The following MBD1 variants were observed in gnomAD, a reference collection of about 807,000 sequenced individuals.
MBD1 encodes the protein methyl-CpG binding domain protein 1, also known as methyl-CpG-binding domain protein 1.
Under a neutral mutation model 82.6 loss-of-function variants are expected in MBD1, and 25 were observed. That is an observed-to-expected ratio of 0.30 (90% confidence interval 0.22 to 0.42). MBD1 has a LOEUF of 0.42. Among genes scored for constraint, MBD1 ranks in the 10% least tolerant of loss-of-function variants. MBD1 has a pLI of 1.00. For missense variants in MBD1, 627 were observed against 819.6 expected, an observed-to-expected ratio of 0.76 and a Z score of 2.87; for synonymous variants, 301 against 303.7, an observed-to-expected ratio of 0.99 and a Z score of 0.09.
In MBD1 at chr18:50,275,713, C is replaced by T. The variant is rs776857176; in HGVS notation, c.679G>A (p.Val227Ile). Residue 227 changes from valine to isoleucine, a missense_variant, in exon 8 of 17, where the codon GTA (valine) becomes ATA (isoleucine). This residue lies in a region of MBD1 where 228 missense variants were observed against 318.1 expected (regional missense o/e 0.72). Coordinates refer to ENST00000269468, the MANE Select transcript of MBD1 (RefSeq NM_015846.4). ...TCTTGGGTCTGACAGCCCCGGCATA[C>T]TCCACACCCTCGGCTCTGTTGGCGG... ...RIVERSRGCGVCRGCQTQEDC... is the reference protein window; with the variant it reads ...RIVERSRGCGICRGCQTQEDC... 6.2e-7 allele frequency: 1 copy of T among 1,614,222 alleles called. No individual in the cohort carries two copies. The highest frequency in any genetic ancestry group is 8.5e-7 in the Non-Finnish European group (1 of 1,180,028).
chr18:50,281,181 T>C (rs1447349783), intron 1 of MBD1, 182 bp downstream of exon 1: 1 of 1,534,084 alleles, frequency 6.5e-7, no homozygotes, highest in Non-Finnish European at 8.7e-7. Context: ...AGTTCAGAGC[T>C]GCATTCCTTC....
intron 16 of MBD1, 180 bp from the exon 17 acceptor site, chr18:50,269,998 T>C (rs1382844720): frequency 6.3e-7 from 1 of 1,596,354 alleles, no homozygotes; most frequent in East Asian, 2.2e-5. Flanking sequence ...CAGCAGAAGC[T>C]TAACTCATGA....
intron 1 of MBD1, 135 bp downstream of exon 1, chr18:50,281,228 A>G (rs747847420): frequency 6.5e-7 from 1 of 1,533,864 alleles, no homozygotes; most frequent in South Asian, 1.2e-5. Flanking sequence ...TCTCCTCGTC[A>G]GTATTCCGAC....
rs1379568320 is a variant in MBD1 at position 50,268,984 on chromosome 18, T to C, written c.*867A>G. On this transcript the variant is annotated 3_prime_UTR_variant, in exon 17 of 17. Coordinates refer to ENST00000269468, the MANE Select transcript of MBD1 (RefSeq NM_015846.4). Reference sequence around the variant, plus strand: ...CCTCCCAACAATTTTCTGAATTCTATATATTCAGCATTAAATTCCATGATA... The same window carrying C: ...CCTCCCAACAATTTTCTGAATTCTACATATTCAGCATTAAATTCCATGATA... 1.0e-6 allele frequency: 1 copy of C among 983,614 alleles called. No individual in the cohort carries two copies. Among genetic ancestry groups the C allele is most frequent in the Non-Finnish European group, 1.2e-6 (1 of 828,328 alleles). 60.9% of individuals were successfully genotyped at this position (983,614 alleles called of 1,614,324 possible).
chr18:50,270,161 G>T, intron 16 of MBD1: 2 of 1,598,102 alleles, frequency 1.3e-6, no homozygotes, highest in Non-Finnish European at 1.7e-6. Flanking sequence ...TAAAGGAAGG[G>T]GTGGGGAAGG....
rs568238880 is a variant in MBD1, at chr18:50,279,874, A to C, written c.110+9T>G. On this transcript the variant is annotated intron_variant, in intron 2 of 16. Coordinates refer to ENST00000269468, the MANE Select transcript of MBD1 (RefSeq NM_015846.4). ...CCACTCCTGACTCTGCCCACTACCC[A>C]CCCAGTACCTCTGGTAATAGGTGTC... The C allele has an allele frequency of 6.2e-7, 1 of 1,613,840 alleles. No individual in the cohort carries two copies. Among genetic ancestry groups the C allele is most frequent in the African/African-American group, 1.3e-5 (1 of 75,008 alleles).
chr18:50,276,467 A>T, intron 5 of MBD1, 49 bp from the exon 6 acceptor site: 1 of 1,585,582 alleles, frequency 6.3e-7, no homozygotes, highest in Non-Finnish European at 8.7e-7. Context: ...AGCAACAGAC[A>T]TCTGACTTCA....
At chr18:50,274,783 T>C (rs2037077108) in intron 10 of MBD1, among the ~76,000 whole-genome samples, 194 bp downstream of exon 10, 2 of 152,172 alleles carry the variant, frequency 1.3e-5, no homozygotes, top group South Asian at 4.1e-4. Context: ...ACCAGAGTGT[T>C]GGTATATGTG....
intron 2 of MBD1, among the ~76,000 whole-genome samples, chr18:50,277,930 G>A (rs563201220): frequency 2.0e-5 from 3 of 152,300 alleles, no homozygotes; most frequent in Non-Finnish European, 2.9e-5. Context: ...CATGCTGTAG[G>A]AATTGGGATT....
chr18:50,272,290 G>C (rs1396716543), intron 15 of MBD1, among the ~76,000 whole-genome samples: 1 of 152,086 alleles, frequency 6.6e-6, no homozygotes, highest in East Asian at 1.9e-4. Flanking sequence ...CCCACCCAGA[G>C]GTCTCCTGGA....
chr18:50,281,288 T>A (rs1276269722), intron 1 of MBD1, 75 bp downstream of exon 1: 2 of 1,435,048 alleles, frequency 1.4e-6, no homozygotes, highest in African/African-American at 2.8e-5. Flanking sequence ...TTCCTCCCCG[T>A]CAGCGTTCTG....
chr18:50,281,588 C>T (rs1484536810), upstream of MBD1: 6 of 518,766 alleles, frequency 1.2e-5, no homozygotes, highest in Non-Finnish European at 2.0e-5. Flanking sequence ...CGCACTATTG[C>T]CTCGATGTCG....
Position 50,268,851 on chromosome 18 carries a change from G to T in MBD1, c.*1000C>A, listed in dbSNP as rs1433995845. ...AGAAACACTAAGCATGTAAGTAAGT[G>T]GGACAATAAAAATTTAAAAATAATT... On this transcript the variant is annotated 3_prime_UTR_variant, in exon 17 of 17. Coordinates refer to ENST00000269468, the MANE Select transcript of MBD1 (RefSeq NM_015846.4). The T allele has an allele frequency of 1.1e-6, 1 of 922,988 alleles. No individual in the cohort carries two copies. Among genetic ancestry groups the T allele is most frequent in the Non-Finnish European group, 1.3e-6 (1 of 773,312 alleles). 57.2% of individuals were successfully genotyped at this position (922,988 alleles called of 1,614,324 possible).
At chr18:50,273,154 C>T (rs1269520792) in intron 13 of MBD1, 180 bp downstream of exon 13, 12 of 1,212,066 alleles carry the variant, frequency 9.9e-6, no homozygotes, top group Admixed American at 4.0e-5. Flanking sequence ...GATAGCAAAG[C>T]GGGCAAAGCT....
intron 15 of MBD1, 76 bp downstream of exon 15, chr18:50,272,601 G>C: frequency 6.5e-7 from 1 of 1,535,240 alleles, no homozygotes; most frequent in Admixed American, 1.7e-5. Flanking sequence ...CAAACTGCCG[G>C]CTATACTTTC....
upstream of MBD1, chr18:50,281,756 T>A (rs2040317272): frequency 9.2e-6 from 3 of 325,618 alleles, no homozygotes; most frequent in Non-Finnish European, 1.7e-5. Context: ...GCTGCCCATC[T>A]AGCTGGCGCA....
intron 16 of MBD1, 29 bp from the exon 17 acceptor site, chr18:50,269,847 C>T (rs1568179106): frequency 1.2e-6 from 1 of 836,978 alleles, no homozygotes; most frequent in Middle Eastern, 2.2e-4. Flanking sequence ...GATGCAAAGA[C>T]AACAGCCTTA....
downstream of MBD1, chr18:50,267,790 T>C (rs892315568): frequency 1.8e-5 from 12 of 678,378 alleles, no homozygotes; most frequent in East Asian, 1.9e-4. Flanking sequence ...GTACAACTAA[T>C]GTGTATGCCC....
At position 50,269,991 on chromosome 18, in the gene MBD1, C is replaced by G. The variant is rs777442175; in HGVS notation, c.*33-173G>C. ...ATTGTACCCTAACATAAATGGTCAG[C>G]AGAAGCTTAACTCATGAGTCTAAAT... is the stretch of plus-strand genomic sequence containing the variant. On this transcript the variant is annotated intron_variant, in intron 16 of 16. Coordinates refer to ENST00000269468, the MANE Select transcript of MBD1 (RefSeq NM_015846.4). 4 of 1,593,882 alleles carry G rather than the reference C, an allele frequency of 2.5e-6. No homozygotes were observed. The East Asian group carries it at 8.9e-5, about 36-fold the overall frequency.
Sources: gnomAD v4.1 joint callset for allele counts (sites outside exome capture counted in the v4.1 genomes callset) on GRCh38, gnomAD v4.1.1 for gene constraint, gnomAD v4.1.1 regional missense constraint, MANE v1.5 for transcripts, NCBI Gene and HGNC (gene_info 2026-07-23, HGNC 2026-07-21) for gene names.